Variants in PRH1 observed in about 807,000 individuals in gnomAD.
The protein encoded by PRH1 is proline rich protein HaeIII subfamily 1.
PRH1 carries 7 observed loss-of-function variants against 7.9 expected under a neutral mutation model. The observed-to-expected ratio is 0.89, with a 90% CI of 0.50 to 1.67. PRH1 has a LOEUF of 1.67. PRH1 is among the 40% of genes most tolerant of loss of function. The probability of loss-of-function intolerance (pLI) is 0.00; values close to 1 mark genes in which losing one functional copy is unlikely to be tolerated. For synonymous variants in PRH1, 45 were observed against 80.8 expected (o/e 0.56, Z 2.38); for missense variants, 109 against 223.6 (o/e 0.49, Z 3.27).
At chr12:10,904,439 A>G (rs546484161) in intron 2 of PRH1, among the ~76,000 whole-genome samples, 14 of 152,340 alleles carry the variant, frequency 9.2e-5, no homozygotes, top group South Asian at 4.1e-4. Flanking sequence ...AGGACTCTGT[A>G]TTCAGTAAAT....
At chr12:11,134,344 G>A (rs1946485194) in intron 1 of PRH1, 1 of 1,221,180 alleles carries the variant, frequency 8.2e-7, no homozygotes, top group African/African-American at 1.5e-5. Flanking sequence ...CACCTGATTT[G>A]TGTATGTGCT....
chr12:11,060,561 G>A (rs1246510928), intron 1 of PRH1, among the ~76,000 whole-genome samples: 1 of 152,018 alleles, frequency 6.6e-6, no homozygotes, highest in Non-Finnish European at 1.5e-5. Context: ...TCCAAAAGCT[G>A]GAAGAAATGA....
At chr12:11,156,844 A>G (rs914556789) in intron 1 of PRH1, among the ~76,000 whole-genome samples, 6 of 139,158 alleles carry the variant, frequency 4.3e-5, no homozygotes, top group African/African-American at 1.3e-4. Flanking sequence ...GAAAACACCA[A>G]TTTTTTTTTT....
chr12:11,039,971 A>G (rs992135439), intron 1 of PRH1, among the ~76,000 whole-genome samples: 4 of 152,156 alleles, frequency 2.6e-5, no homozygotes, highest in African/African-American at 9.7e-5. Context: ...ACCATTTTCA[A>G]TATTTATCAA....
intron 1 of PRH1, chr12:11,021,995 T>C (rs373198792): frequency 8.2e-6 from 13 of 1,591,520 alleles, no homozygotes; most frequent in Non-Finnish European, 7.7e-6. Flanking sequence ...AGAAAACATA[T>C]TAGGCTCAGA....
At chr12:11,020,401 TATAG>T (rs1372126383) in intron 1 of PRH1, among the ~76,000 whole-genome samples, 14 of 68,418 alleles carry the variant, frequency 2.0e-4, no homozygotes, top group Non-Finnish European at 4.9e-4. Context: ...TGTCTATAGA[TATAG>T]ATATAGATAC....
intron 1 of PRH1, among the ~76,000 whole-genome samples, chr12:10,976,577 T>C (rs1388797053): frequency 1.3e-5 from 2 of 149,618 alleles, no homozygotes; most frequent in Non-Finnish European, 3.0e-5. Context: ...ACATCAGAGC[T>C]GAAGTGAAGG....
chr12:10,961,626 A>G (rs912885954), intron 2 of PRH1, among the ~76,000 whole-genome samples: 4 of 152,128 alleles, frequency 2.6e-5, no homozygotes, highest in Non-Finnish European at 5.9e-5. Flanking sequence ...AGATCATCCT[A>G]CCATCCTTCC....
At chr12:10,884,402 T>A (rs1408722093), upstream of PRH1, 2 of 663,182 alleles carry the variant, frequency 3.0e-6, no homozygotes, top group Non-Finnish European at 5.3e-6. Flanking sequence ...TTTGGGACTC[T>A]AGCTCAGCAG....
At chr12:11,143,610 A>T (rs951891919) in intron 1 of PRH1, among the ~76,000 whole-genome samples, 5 of 152,200 alleles carry the variant, frequency 3.3e-5, no homozygotes, top group Admixed American at 6.5e-5. Flanking sequence ...GCCTATACAG[A>T]CATGCACAGA....
chr12:11,099,121 TC>T (rs906820279), intron 1 of PRH1, among the ~76,000 whole-genome samples: 1 of 152,166 alleles, frequency 6.6e-6, no homozygotes, highest in African/African-American at 2.4e-5. Flanking sequence ...TGCAGTATCC[TC>T]CTATCACAGG....
chr12:11,130,966 T>C (rs1055679556), intron 1 of PRH1, among the ~76,000 whole-genome samples: 1 of 80,250 alleles, frequency 1.2e-5, no homozygotes, highest in African/African-American at 3.4e-5. Flanking sequence ...TTCCCTTCAC[T>C]ATCTCCTGTT....
rs1298161913 is a variant in PRH1 at position 11,089,076 on chromosome 12, C to T, written n.124-41888G>A. ...CAGCCATGACTGGAGGGTATGAGCA[C>T]GCCTCAGTGGCACAAGGAGTGATGG... On this transcript the variant is annotated intron_variant and non_coding_transcript_variant, in intron 1 of 4. Coordinates refer to the PRH1 transcript ENST00000541977. Among the ~76,000 whole-genome samples, 15 of 116,020 alleles carry T rather than the reference C, an allele frequency of 1.3e-4. 3 individuals are homozygous for T. Among genetic ancestry groups the T allele is most frequent in the African/African-American group, 3.5e-4 (12 of 34,604 alleles). The allele number at this position is 116,020 out of a possible 152,430, so 76.1% of individuals were successfully genotyped here. A position where few individuals can be genotyped will look rare whatever the true frequency, so the allele number is the denominator to read the frequency against.
upstream of PRH1, among the ~76,000 whole-genome samples, chr12:10,886,944 T>A (rs973531680): frequency 3.9e-5 from 6 of 152,192 alleles, no homozygotes; most frequent in African/African-American, 1.4e-4. Flanking sequence ...GTCTTGGTAA[T>A]GTTCTTCCCC....
intron 1 of PRH1, among the ~76,000 whole-genome samples, chr12:11,124,704 G>A (rs971636975): frequency 3.9e-5 from 6 of 152,138 alleles, no homozygotes; most frequent in Non-Finnish European, 8.8e-5. Flanking sequence ...TAAGATAGAT[G>A]TAAATGTAGA....
rs573430711 is a variant in PRH1, at chr12:11,036,451, T to C, written c.-126+10569A>G. Among the ~76,000 whole-genome samples, 4 of 152,318 alleles carry C rather than the reference T, an allele frequency of 2.6e-5. No individual in the cohort carries two copies. The East Asian group carries it at 7.7e-4, about 29-fold the overall frequency. ...TCACTCACTCAAGTGTGACAGAAGA[T>C]CTGGGGTCTTACCTCTGTTTGACAG... On this transcript the variant is annotated intron_variant, in intron 1 of 3. Coordinates refer to the PRH1 transcript ENST00000539853.
intron 2 of PRH1, chr12:10,930,219 T>C (rs1950183697): frequency 3.8e-6 from 6 of 1,588,762 alleles, no homozygotes; most frequent in African/African-American, 1.3e-5. Flanking sequence ...CTATGAGCTC[T>C]GAATGATTCA....
intron 2 of PRH1, among the ~76,000 whole-genome samples, chr12:10,949,909 T>C (rs969435939): frequency 2.6e-5 from 4 of 152,208 alleles, no homozygotes; most frequent in Non-Finnish European, 4.4e-5. Context: ...TTTTAGAGTT[T>C]TGCCACCAAT....
At chr12:11,123,675 T>G (rs1483097187) in intron 1 of PRH1, among the ~76,000 whole-genome samples, 1 of 151,760 alleles carries the variant, frequency 6.6e-6, no homozygotes, top group Non-Finnish European at 1.5e-5. Context: ...TGTTACATAT[T>G]CCAACTGTAG....
Sources: allele counts gnomAD v4.1 joint callset (sites outside exome capture counted in the v4.1 genomes callset), GRCh38; gene constraint gnomAD v4.1.1; transcripts MANE v1.5; gene names NCBI Gene and HGNC (gene_info 2026-07-23, HGNC 2026-07-21).